The following TMEM150C variants were observed in gnomAD, a reference collection of about 807,000 sequenced individuals.
The protein encoded by TMEM150C is tentonin 3.
A neutral mutation model predicts 29.9 loss-of-function variants in TMEM150C; 10 were observed. The ratio of observed to expected loss-of-function variants is 0.33; its 90% CI spans 0.21 to 0.57. TMEM150C has a LOEUF of 0.57. Among genes scored for constraint, TMEM150C ranks in the 20% least tolerant of loss-of-function variants. TMEM150C has a pLI of 0.88. For synonymous variants in TMEM150C, 101 were observed against 112.5 expected, an observed-to-expected ratio of 0.90 and a Z score of 0.64; for missense variants, 251 against 303.6, an observed-to-expected ratio of 0.83 and a Z score of 1.29.
chr4:82,504,571 TACTC>T lies in TMEM150C; in HGVS notation c.80+3_80+6del. 7 of 1,607,688 alleles carry T rather than the reference TACTC, an allele frequency of 4.4e-6. No homozygotes were observed. Among genetic ancestry groups the T allele is most frequent in the East Asian group, 2.2e-5 (1 of 44,844 alleles). On this transcript the variant is annotated splice_donor_5th_base_variant and intron_variant, in intron 2 of 7. Coordinates refer to ENST00000449862, the MANE Select transcript of TMEM150C (RefSeq NM_001080506.3). ...ATCCTTAAATAATTAAATGAGCAAA[TACTC>T]ACACTATCCACAATCCAGCTGAAGT...
chr4:82,515,692 G>A (rs1196174559), intron 1 of TMEM150C, among the ~76,000 whole-genome samples: 1 of 151,068 alleles, frequency 6.6e-6, no homozygotes, highest in Non-Finnish European at 1.5e-5. Context: ...AGCTGAGATC[G>A]TGCCACTGCA....
chr4:82,531,461 A>G (rs971836988), intron 1 of TMEM150C, among the ~76,000 whole-genome samples: 1 of 152,148 alleles, frequency 6.6e-6, no homozygotes, highest in African/African-American at 2.4e-5. Flanking sequence ...AGGCTGAAAA[A>G]GTGGTCATAG....
intron 1 of TMEM150C, among the ~76,000 whole-genome samples, chr4:82,529,475 GATGGGATCTC>G (rs1724767165): frequency 6.6e-6 from 1 of 151,994 alleles, no homozygotes; most frequent in Non-Finnish European, 1.5e-5. Flanking sequence ...ATTTTCTAGA[GATGGGATCTC>G]ACTATGTTGC....
chr4:82,503,287 T>C (rs547922191), intron 2 of TMEM150C, among the ~76,000 whole-genome samples, 175 bp from the exon 3 acceptor site: 1 of 152,352 alleles, frequency 6.6e-6, no homozygotes, highest in East Asian at 1.9e-4. Flanking sequence ...AATGTCATTA[T>C]TAGTAATATT....
intron 1 of TMEM150C, among the ~76,000 whole-genome samples, chr4:82,528,600 C>T (rs1395860389): frequency 6.7e-6 from 1 of 149,452 alleles, no homozygotes; most frequent in Non-Finnish European, 1.5e-5. Flanking sequence ...TACTTTTCCT[C>T]GTCCCTTTTT....
chr4:82,545,590 T>C (rs1050430023), intron 1 of TMEM150C, among the ~76,000 whole-genome samples: 3 of 152,138 alleles, frequency 2.0e-5, no homozygotes, highest in African/African-American at 7.2e-5. Context: ...AAAGAAAAAG[T>C]CAAACTATCT....
At chr4:82,537,658 T>A (rs1392807785) in intron 1 of TMEM150C, among the ~76,000 whole-genome samples, 1 of 152,162 alleles carries the variant, frequency 6.6e-6, no homozygotes, top group Non-Finnish European at 1.5e-5. Context: ...TAGTTAAGGA[T>A]CTTGAGAAGT....
intron 6 of TMEM150C, chr4:82,495,737 T>A: frequency 3.1e-6 from 1 of 327,438 alleles, no homozygotes; most frequent in East Asian, 7.1e-5. Flanking sequence ...TTCCCACCAC[T>A]GATTCGGACC....
intron 1 of TMEM150C, among the ~76,000 whole-genome samples, chr4:82,561,211 C>G (rs1484317602): frequency 6.6e-6 from 1 of 152,212 alleles, no homozygotes; most frequent in Non-Finnish European, 1.5e-5. Context: ...GAACCCAAAG[C>G]TAATCACTTT....
intron 1 of TMEM150C, among the ~76,000 whole-genome samples, chr4:82,529,366 C>T (rs780320494): frequency 6.6e-5 from 10 of 151,424 alleles, no homozygotes; most frequent in Non-Finnish European, 1.5e-4. Flanking sequence ...ACAGCTCACT[C>T]CAGCCTCGAC....
At chr4:82,528,106 A>G (rs183866251) in intron 1 of TMEM150C, among the ~76,000 whole-genome samples, 229 of 152,372 alleles carry the variant, frequency 1.5e-3, no homozygotes, top group Non-Finnish European at 2.4e-3. Flanking sequence ...TAACTATGAT[A>G]GAATAAATGC....
chr4:82,536,501 T>C (rs985225690), intron 1 of TMEM150C, among the ~76,000 whole-genome samples: 1 of 151,880 alleles, frequency 6.6e-6, no homozygotes, highest in African/African-American at 2.4e-5. Context: ...AATGTAAAAC[T>C]TGAAAACTAT....
At chr4:82,488,527 A>G (rs902171957) in intron 7 of TMEM150C, among the ~76,000 whole-genome samples, 1 of 152,224 alleles carries the variant, frequency 6.6e-6, no homozygotes, top group African/African-American at 2.4e-5. Flanking sequence ...TTTTCTGTAC[A>G]ATCTACCCTT....
chr4:82,490,346 A>T, intron 6 of TMEM150C, 108 bp from the exon 7 acceptor site: 14 of 947,716 alleles, frequency 1.5e-5, no homozygotes, highest in Non-Finnish European at 2.1e-5. Context: ...AAATATCCCA[A>T]TAATGGGATG....
intron 6 of TMEM150C, 94 bp downstream of exon 6, chr4:82,495,974 G>T: frequency 1.3e-6 from 2 of 1,496,378 alleles, no homozygotes; most frequent in Non-Finnish European, 1.8e-6. Flanking sequence ...AATTATATGG[G>T]CCATATGGTG....
chr4:82,491,338 G>T, intron 6 of TMEM150C: 1 of 655,604 alleles, frequency 1.5e-6, no homozygotes, highest in Non-Finnish European at 2.7e-6. Flanking sequence ...GCTAGCTTAA[G>T]CAGCTGAGTA....
In TMEM150C at chr4:82,485,721, T is replaced by C. The variant is rs573100512; in HGVS notation, c.542-2A>G. 2 of 1,602,042 alleles carry C rather than the reference T, an allele frequency of 1.2e-6. No individual in the cohort carries two copies. Among genetic ancestry groups the C allele is most frequent in the Admixed American group, 3.4e-5 (2 of 58,270 alleles). On this transcript the variant is annotated splice_acceptor_variant, in intron 7 of 7. Coordinates refer to ENST00000449862, the MANE Select transcript of TMEM150C (RefSeq NM_001080506.3). LOFTEE classifies it high-confidence loss of function. ...TGCTTTGGGCCATGAGGATGAAGTC[T>C]GGGGAGAAGCAGTCAAGGAAAATAC...
chr4:82,487,308 G>T (rs1226507383), intron 7 of TMEM150C, among the ~76,000 whole-genome samples: 1 of 152,130 alleles, frequency 6.6e-6, no homozygotes, highest in Non-Finnish European at 1.5e-5. Flanking sequence ...AATTAGCCGG[G>T]TGTTTTGGTG....
intron 7 of TMEM150C, among the ~76,000 whole-genome samples, chr4:82,486,575 C>T (rs966876137): frequency 7.2e-5 from 11 of 151,968 alleles, no homozygotes; most frequent in Non-Finnish European, 1.2e-4. Context: ...CCTCGTATCA[C>T]GTCTAAACTT....
Sources: allele counts gnomAD v4.1 joint callset (sites outside exome capture counted in the v4.1 genomes callset), GRCh38; gene constraint gnomAD v4.1.1; transcripts MANE v1.5; gene names NCBI Gene and HGNC (gene_info 2026-07-23, HGNC 2026-07-21).